LPCAT1: variants seen among roughly 807,000 people sequenced by gnomAD.
The protein encoded by LPCAT1 is 1-acylglycerol-3-phosphate O-acyltransferase.
In LPCAT1, 23 loss-of-function variants were observed where a neutral mutation model predicts 60.9. That is an observed-to-expected ratio of 0.38 (90% CI 0.27 to 0.53). The LOEUF (loss-of-function observed/expected upper bound fraction) is 0.53, where lower values mean the gene tolerates loss of function less well. Among genes scored for constraint, LPCAT1 ranks in the 20% least tolerant of loss-of-function variants. The probability of loss-of-function intolerance (pLI) is 0.82; values close to 1 mark genes in which losing one functional copy is unlikely to be tolerated. For missense variants in LPCAT1, 622 were observed against 723.6 expected, an observed-to-expected ratio of 0.86 and a Z score of 1.61; for synonymous variants, 340 against 301.1, an observed-to-expected ratio of 1.13 and a Z score of -1.34.
intron 1 of LPCAT1, among the ~76,000 whole-genome samples, chr5:1,505,560 CGGGT>C (rs1560988269): frequency 1.4e-5 from 2 of 145,974 alleles, no homozygotes; most frequent in African/African-American, 5.0e-5. Context: ...GCCTGCATGC[CGGGT>C]AGGGTAGTCA....
rs937847007 is a variant in LPCAT1, at chr5:1,479,488, A to G, written c.816+133T>C. ...CCAGAGGCTCCTCGAAGGAGCCCTG[A>G]GAAACGGAAAGATGGGAAAGCAAGA... On this transcript the variant is annotated intron_variant, in intron 8 of 13. Transcript: ENST00000283415. 4 of 710,170 alleles carry G rather than the reference A, an allele frequency of 5.6e-6. No individual in the cohort carries two copies. In the East Asian group the frequency reaches 1.0e-4, roughly 19 times the overall value. 44.0% of individuals were successfully genotyped at this position (710,170 alleles called of 1,614,324 possible).
chr5:1,477,627 CGT>C lies in LPCAT1; in HGVS notation c.817-143_817-142del. 1 of 618,670 alleles carries C rather than the reference CGT, an allele frequency of 1.6e-6. No individual in the cohort carries two copies. The highest frequency in any genetic ancestry group is 2.9e-6 in the Non-Finnish European group (1 of 345,716). 38.3% of individuals were successfully genotyped at this position (618,670 alleles called of 1,614,324 possible). On this transcript the variant is annotated intron_variant, in intron 8 of 13. Transcript: ENST00000283415. The surrounding 1 kb of genome is among the most constrained non-coding windows in gnomAD (Gnocchi z 6.0). ...ACCGTCTTCAAAGTTGTCATGTGCA[CGT>C]GTGTGTACGCACACACACACCCCCA...
chr5:1,465,191 GCA>G (rs201475208), intron 13 of LPCAT1, among the ~76,000 whole-genome samples: 1,977 of 132,384 alleles, frequency 0.015, 19 homozygotes, highest in Middle Eastern at 0.063. Flanking sequence ...AAGCGCACGC[GCA>G]CACAGTAACT....
intron 13 of LPCAT1, among the ~76,000 whole-genome samples, chr5:1,465,000 A>C (rs2911485): frequency 0.73 from 107,840 of 148,732 alleles, 39,017 homozygotes; most frequent in South Asian, 0.83. Flanking sequence ...CAGGCACACA[A>C]TAACATGCAC....
intron 5 of LPCAT1, among the ~76,000 whole-genome samples, chr5:1,486,983 A>T (rs1272621638): frequency 6.6e-6 from 1 of 152,164 alleles, no homozygotes; most frequent in African/African-American, 2.4e-5. Context: ...GTTTCGTGAT[A>T]TGCGTTGAGA....
At chr5:1,478,845 T>G (rs1735023299) in intron 8 of LPCAT1, among the ~76,000 whole-genome samples, 1 of 152,242 alleles carries the variant, frequency 6.6e-6, no homozygotes, top group Admixed American at 6.5e-5. Flanking sequence ...AAAGAACTAC[T>G]CCTCATCGAC....
In LPCAT1 at chr5:1,483,553, C is replaced by G; in HGVS notation, c.668-67G>C. 6.5e-7 allele frequency: 1 copy of G among 1,527,570 alleles called. No homozygotes were observed. Among genetic ancestry groups the G allele is most frequent in the East Asian group, 2.3e-5 (1 of 44,368 alleles). 94.6% of individuals were successfully genotyped at this position (1,527,570 alleles called of 1,614,324 possible). ...GCAGGACAGCGTCTGCTGCGTTTCT[C>G]ATGCTGCCCTTGGGATAAAAGTGAG... On this transcript the variant is annotated intron_variant, in intron 5 of 13. Coordinates refer to ENST00000283415, the MANE Select transcript of LPCAT1 (RefSeq NM_024830.5). The surrounding 1 kb of genome is among the most constrained non-coding windows in gnomAD (Gnocchi z 9.2).
rs565851802 is a variant in LPCAT1 at position 1,483,251 on chromosome 5, C to T, written c.726+177G>A. On this transcript the variant is annotated intron_variant, in intron 6 of 13. Coordinates refer to ENST00000283415, the MANE Select transcript of LPCAT1 (RefSeq NM_024830.5). This position sits in a 1 kb window ranked among gnomAD's most constrained non-coding sequence, Gnocchi z 9.2. The stretch of plus-strand genomic sequence containing the variant: ...TCAGGAACGTGCCGAGCCCAGGGCC[C>T]GGGCCTGTCCTGCCCTCTCCAGCGC... 1.3e-5 allele frequency among the ~76,000 whole-genome samples: 2 copies of T among 152,158 alleles called. No homozygotes were observed. The highest frequency in any genetic ancestry group is 2.9e-5 in the Non-Finnish European group (2 of 68,028).
At chr5:1,489,918 G>T in intron 3 of LPCAT1, 60 bp from the exon 4 acceptor site, 1 of 1,229,658 alleles carries the variant, frequency 8.1e-7, no homozygotes, top group Non-Finnish European at 1.2e-6. Context: ...AGGCAGGGCT[G>T]AGGAACGAGG....
intron 12 of LPCAT1, among the ~76,000 whole-genome samples, chr5:1,470,475 C>T (rs1734621331): frequency 6.6e-6 from 1 of 152,186 alleles, no homozygotes; most frequent in South Asian, 2.1e-4. Flanking sequence ...GCTTTCTTCA[C>T]CAGTCCAGTC....
At chr5:1,490,313 T>C (rs1160271731) in intron 3 of LPCAT1, among the ~76,000 whole-genome samples, 2 of 152,102 alleles carry the variant, frequency 1.3e-5, no homozygotes, top group East Asian at 3.9e-4. Flanking sequence ...TGGGACCTCA[T>C]TTCGAAACAG....
chr5:1,467,041 A>G (rs1734443029), intron 12 of LPCAT1, 151 bp from the exon 13 acceptor site: 1 of 714,306 alleles, frequency 1.4e-6, no homozygotes, highest in Non-Finnish European at 2.0e-6. Flanking sequence ...TCGAACTTCC[A>G]TGTGGAGCCA....
chr5:1,514,687 G>A (rs112972379), intron 1 of LPCAT1, among the ~76,000 whole-genome samples: 4 of 152,340 alleles, frequency 2.6e-5, no homozygotes, highest in Middle Eastern at 3.4e-3. Context: ...GGACCTCAGG[G>A]GCTGTGGACC....
intron 12 of LPCAT1, among the ~76,000 whole-genome samples, chr5:1,468,539 G>A (rs552549909): frequency 1.3e-5 from 2 of 152,262 alleles, no homozygotes; most frequent in African/African-American, 4.8e-5. Context: ...TTTCATCCTC[G>A]GAGCCTCGTG....
chr5:1,486,490 C>T (rs1219940959), intron 5 of LPCAT1, among the ~76,000 whole-genome samples: 1 of 152,096 alleles, frequency 6.6e-6, no homozygotes, highest in Non-Finnish European at 1.5e-5. Context: ...GTGACCCCAG[C>T]AACGTGACCC....
In LPCAT1 at chr5:1,522,561, TGAGGA is replaced by T. The variant is rs1736708155; in HGVS notation, c.135+1144_135+1148del. Among the ~76,000 whole-genome samples, 1 of 152,136 alleles carries T rather than the reference TGAGGA, an allele frequency of 6.6e-6. No homozygotes were observed. Among genetic ancestry groups the T allele is most frequent in the Non-Finnish European group, 1.5e-5 (1 of 67,996 alleles). ...CTGCTCCCCGTCCCCTTCCATACCC[TGAGGA>T]CCAGCCGCATCAAGGGGCTTTGAGC... is the stretch of plus-strand genomic sequence containing the variant. On this transcript the variant is annotated intron_variant, in intron 1 of 13. Transcript: ENST00000283415. This position sits in a 1 kb window ranked among gnomAD's most constrained non-coding sequence, Gnocchi z 6.8.
At chr5:1,501,684 G>A (rs1048945065) in intron 1 of LPCAT1, 81 bp from the exon 2 acceptor site, 63 of 1,405,450 alleles carry the variant, frequency 4.5e-5, no homozygotes, top group Non-Finnish European at 6.1e-5. Context: ...CTAGCCCAGG[G>A]GGACAGCGCG....
intron 12 of LPCAT1, among the ~76,000 whole-genome samples, chr5:1,468,243 G>A (rs1453747244): frequency 2.0e-5 from 3 of 152,218 alleles, no homozygotes; most frequent in African/African-American, 4.8e-5. Context: ...TCATCCCACA[G>A]CGCTGCCGCA....
intron 7 of LPCAT1, 27 bp from the exon 8 acceptor site, chr5:1,479,702 G>A (rs1156498291): frequency 3.2e-6 from 5 of 1,582,632 alleles, no homozygotes; most frequent in South Asian, 2.2e-5. Context: ...ACAATGTTGA[G>A]CAGATTTACA....
Sources: allele counts gnomAD v4.1 joint callset (sites outside exome capture counted in the v4.1 genomes callset), GRCh38; gene constraint gnomAD v4.1.1; non-coding constraint Gnocchi (gnomAD v3.1); transcripts MANE v1.5; gene names NCBI Gene and HGNC (gene_info 2026-07-23, HGNC 2026-07-21).